DLGAP2: variants seen among roughly 807,000 people sequenced by gnomAD.
DLGAP2 encodes the protein disks large-associated protein 2.
DLGAP2 carries 26 observed loss-of-function variants against 100.3 expected under a neutral mutation model. The ratio of observed to expected loss-of-function variants is 0.26; its 90% confidence interval spans 0.19 to 0.36. The LOEUF is 0.36. DLGAP2 is among the 10% of genes least tolerant of loss of function. The pLI is 1.00. For synonymous variants in DLGAP2, 886 were observed against 630.1 expected (o/e 1.41, Z -6.08); for missense variants, 1,858 against 1,453.2 (o/e 1.28, Z -4.53).
intron 3 of DLGAP2, among the ~76,000 whole-genome samples, chr8:1,263,914 C>A (rs886232827): frequency 6.6e-6 from 1 of 152,058 alleles, no homozygotes; most frequent in African/African-American, 2.4e-5. Context: ...TGCTTAAGAA[C>A]TAAAAAGTTC....
At chr8:1,024,057 G>T (rs1801709379) in intron 2 of DLGAP2, among the ~76,000 whole-genome samples, 2 of 151,984 alleles carry the variant, frequency 1.3e-5, no homozygotes, top group African/African-American at 4.8e-5. Context: ...GCGGTGTGGG[G>T]TGTTTCAGAC....
At chr8:923,928 C>G (rs957622478) in intron 2 of DLGAP2, among the ~76,000 whole-genome samples, 1 of 152,178 alleles carries the variant, frequency 6.6e-6, no homozygotes, top group Admixed American at 6.5e-5. Flanking sequence ...AGGGTCAGCT[C>G]AAACAGAAAT....
intron 1 of DLGAP2, among the ~76,000 whole-genome samples, chr8:867,562 T>TG (rs1314371707): frequency 2.6e-5 from 4 of 152,210 alleles, no homozygotes; most frequent in African/African-American, 9.6e-5. Context: ...AGGCTGGACC[T>TG]GGTGGTAGCA....
chr8:950,372 C>CT, intron 2 of DLGAP2, among the ~76,000 whole-genome samples: 1 of 152,188 alleles, frequency 6.6e-6, no homozygotes, highest in Admixed American at 6.5e-5. Context: ...TTTGTTCAAC[C>CT]TTTTAATTAT....
intron 2 of DLGAP2, among the ~76,000 whole-genome samples, chr8:980,405 A>G (rs1227597276): frequency 1.3e-5 from 2 of 152,084 alleles, no homozygotes; most frequent in Non-Finnish European, 2.9e-5. Flanking sequence ...CTAAAAACAC[A>G]AAGTCAACTA....
At chr8:1,048,425 C>T (rs559264404) in intron 2 of DLGAP2, among the ~76,000 whole-genome samples, 1 of 152,162 alleles carries the variant, frequency 6.6e-6, no homozygotes, top group Admixed American at 6.5e-5. Context: ...TAAAACCTGC[C>T]ACCGGGTGTT....
intron 3 of DLGAP2, among the ~76,000 whole-genome samples, chr8:1,336,317 G>T (rs920935329): frequency 3.3e-5 from 5 of 152,252 alleles, no homozygotes; most frequent in African/African-American, 1.2e-4. Flanking sequence ...GGGAAGAAAG[G>T]GTGGAAGTGA....
intron 14 of DLGAP2, 123 bp from the exon 15 acceptor site, chr8:1,701,065 A>AAGG (rs1349379079): frequency 1.2e-6 from 1 of 838,286 alleles, no homozygotes; most frequent in Non-Finnish European, 1.8e-6. Flanking sequence ...GACGGGAGTG[A>AAGG]AGGATGCGGC....
chr8:1,007,900 A>G (rs1801167505), intron 2 of DLGAP2, among the ~76,000 whole-genome samples: 1 of 152,154 alleles, frequency 6.6e-6, no homozygotes, highest in African/African-American at 2.4e-5. Context: ...AATGTCCCAT[A>G]GTAGGGGAGG....
At chr8:1,134,005 A>G (rs1305073992) in intron 2 of DLGAP2, among the ~76,000 whole-genome samples, 2 of 127,826 alleles carry the variant, frequency 1.6e-5, no homozygotes, top group South Asian at 4.9e-4. Flanking sequence ...TCCCCCCTCC[A>G]CCTCCCACAG....
chr8:1,670,858 A>G (rs1010313817), intron 10 of DLGAP2, among the ~76,000 whole-genome samples: 5 of 152,214 alleles, frequency 3.3e-5, no homozygotes, highest in African/African-American at 9.6e-5. Context: ...GCAGGAGTAA[A>G]GGGGAGGAAA....
At chr8:1,058,775 A>G (rs1296101758) in intron 2 of DLGAP2, among the ~76,000 whole-genome samples, 14 of 152,290 alleles carry the variant, frequency 9.2e-5, no homozygotes, top group Admixed American at 6.5e-5. Flanking sequence ...CTTAAAAGTG[A>G]TATTTGAGGC....
intron 3 of DLGAP2, among the ~76,000 whole-genome samples, chr8:1,260,691 G>T (rs1248659761): frequency 6.6e-6 from 1 of 152,112 alleles, no homozygotes; most frequent in African/African-American, 2.4e-5. Context: ...ACTGAATGAA[G>T]GCTGGTAAAT....
At chr8:1,071,242 G>A (rs568746468) in intron 2 of DLGAP2, among the ~76,000 whole-genome samples, 2 of 152,344 alleles carry the variant, frequency 1.3e-5, no homozygotes, top group South Asian at 2.1e-4. Flanking sequence ...GAGTAACCCA[G>A]CATTAAGTTA....
At chr8:1,322,827 T>G (rs6558446) in intron 3 of DLGAP2, among the ~76,000 whole-genome samples, 2 of 152,142 alleles carry the variant, frequency 1.3e-5, no homozygotes, top group Admixed American at 6.5e-5. Flanking sequence ...TCCTCTTTAA[T>G]GGTCCTATAT....
chr8:1,153,943 G>A (rs946038331), intron 2 of DLGAP2, among the ~76,000 whole-genome samples: 1 of 152,052 alleles, frequency 6.6e-6, no homozygotes, highest in Admixed American at 6.6e-5. Flanking sequence ...CCCTTTCCTA[G>A]GGGGTTTCAT....
At chr8:1,516,169 G>A (rs191927776) in intron 4 of DLGAP2, among the ~76,000 whole-genome samples, 1 of 152,000 alleles carries the variant, frequency 6.6e-6, no homozygotes, top group East Asian at 1.9e-4. Context: ...GATTGGATGA[G>A]TGACCAAGTG....
At chr8:981,419 G>C (rs905073169) in intron 2 of DLGAP2, among the ~76,000 whole-genome samples, 1 of 152,048 alleles carries the variant, frequency 6.6e-6, no homozygotes, top group Non-Finnish European at 1.5e-5. Flanking sequence ...TTGAGTCTCT[G>C]CTTGTGATTC....
At chr8:909,420 G>A (rs972866291) in intron 2 of DLGAP2, among the ~76,000 whole-genome samples, 3 of 151,512 alleles carry the variant, frequency 2.0e-5, no homozygotes, top group Non-Finnish European at 2.9e-5. Flanking sequence ...ACTGTACTGC[G>A]GACATCACAG....
Sources: allele counts gnomAD v4.1 joint callset (sites outside exome capture counted in the v4.1 genomes callset), GRCh38; gene constraint gnomAD v4.1.1; transcripts MANE v1.5; gene names NCBI Gene and HGNC (gene_info 2026-07-23, HGNC 2026-07-21).